The following TNS3 variants were observed in gnomAD, a reference collection of about 807,000 sequenced individuals.
TNS3 encodes the protein tensin-3.
In TNS3, 45 loss-of-function variants were observed where a neutral mutation model predicts 140.9. The ratio of observed to expected loss-of-function variants is 0.32; its 90% CI spans 0.25 to 0.41. TNS3 has a LOEUF of 0.41. TNS3 is among the 10% of genes least tolerant of loss of function. The probability of loss-of-function intolerance (pLI) is 1.00; values close to 1 mark genes in which losing one functional copy is unlikely to be tolerated. For synonymous variants in TNS3, 815 were observed against 788.4 expected, an observed-to-expected ratio of 1.03 and a Z score of -0.56; for missense variants, 1,716 against 1,906.7, an observed-to-expected ratio of 0.90 and a Z score of 1.86.
At chr7:47,581,703 C>G (rs923556764) in intron 1 of TNS3, 1 of 152,468 alleles carries the variant, frequency 6.6e-6, no homozygotes, top group Non-Finnish European at 1.5e-5. Flanking sequence ...GAAGCTGGCC[C>G]GCGCCCCAGC....
chr7:47,570,230 C>T (rs1160442506), intron 1 of TNS3, among the ~76,000 whole-genome samples: 1 of 152,220 alleles, frequency 6.6e-6, no homozygotes, highest in Non-Finnish European at 1.5e-5. Flanking sequence ...GACTGGAATC[C>T]ATTTTCCGAG....
intron 7 of TNS3, among the ~76,000 whole-genome samples, chr7:47,436,005 T>G (rs1795162819): frequency 6.6e-6 from 1 of 152,192 alleles, no homozygotes; most frequent in Non-Finnish European, 1.5e-5. Flanking sequence ...TGGCCCACAG[T>G]GGCCACACGG....
At chr7:47,371,785 G>C (rs1791085352) in intron 16 of TNS3, among the ~76,000 whole-genome samples, 1 of 152,070 alleles carries the variant, frequency 6.6e-6, no homozygotes, top group African/African-American at 2.4e-5. Flanking sequence ...CTGTGAAGTA[G>C]AGTGGTCCCT....
chr7:47,308,989 G>A (rs930880048), intron 20 of TNS3, among the ~76,000 whole-genome samples: 25 of 152,186 alleles, frequency 1.6e-4, no homozygotes, highest in Non-Finnish European at 3.4e-4. Flanking sequence ...GTCCCCTGGA[G>A]TTTCAACTCC....
At chr7:47,492,880 C>T (rs940633351) in intron 3 of TNS3, among the ~76,000 whole-genome samples, 2 of 152,190 alleles carry the variant, frequency 1.3e-5, no homozygotes, top group African/African-American at 4.8e-5. Context: ...GGAGGAGCTC[C>T]CACTGCCTGT....
At chr7:47,295,648 C>CTCTCTACTTCACTTCAGG (rs1460806016) in intron 24 of TNS3, among the ~76,000 whole-genome samples, 1 of 152,180 alleles carries the variant, frequency 6.6e-6, no homozygotes, top group East Asian at 1.9e-4. Flanking sequence ...AATCAGTAGC[C>CTCTCTACTTCACTTCAGG]ACAGGCTTCG....
At chr7:47,441,546 C>T (rs1457893891) in intron 5 of TNS3, among the ~76,000 whole-genome samples, 1 of 152,210 alleles carries the variant, frequency 6.6e-6, no homozygotes, top group African/African-American at 2.4e-5. Flanking sequence ...TTTGTTTTCT[C>T]TACCTTATTT....
intron 4 of TNS3, among the ~76,000 whole-genome samples, chr7:47,477,208 G>A (rs899944898): frequency 1.5e-4 from 23 of 152,174 alleles, no homozygotes; most frequent in African/African-American, 5.1e-4. Context: ...CAGGGAATTA[G>A]GCCCAGGGGT....
At position 47,369,337 on chromosome 7, in the gene TNS3, G is replaced by C; in HGVS notation, c.1309C>G (p.Pro437Ala). 6.2e-7 allele frequency: 1 copy of C among 1,614,172 alleles called. No individual in the cohort carries two copies. Among genetic ancestry groups the C allele is most frequent in the Non-Finnish European group, 8.5e-7 (1 of 1,180,044 alleles). Residue 437 changes from proline (P) to alanine (A), a missense_variant, in exon 17 of 31, where the codon CCT becomes GCT. Transcript: ENST00000311160. The stretch of plus-strand genomic sequence containing the variant: ...GTCATTTCCTTGAGGGAGCTTCCAG[G>C]ATCTTCCAGGCCAAAGCCACTGAGC... The part of the protein sequence containing the change: ...QLLSGFGLED[P>A]GSSLKEMTDA...
chr7:47,295,681 C>T (rs185941230), intron 24 of TNS3, among the ~76,000 whole-genome samples: 133 of 152,242 alleles, frequency 8.7e-4, no homozygotes, highest in African/African-American at 3.0e-3. Flanking sequence ...GACTGAGCCC[C>T]GGGTCTTTCC....
intron 2 of TNS3, among the ~76,000 whole-genome samples, chr7:47,521,632 C>T (rs926995926): frequency 1.3e-5 from 2 of 152,036 alleles, no homozygotes; most frequent in African/African-American, 4.8e-5. Context: ...CAGGGAGGCA[C>T]CTTCCTGAGG....
Position 47,368,348 on chromosome 7 carries a change from A to T in TNS3, c.2281+17T>A. ...GAGCACCTCCCGTGGAGCACCTCCC[A>T]TGGAGACCCAGCTCACCTTGCCGCC... On this transcript the variant is annotated intron_variant, in intron 17 of 30. Coordinates refer to ENST00000311160, the MANE Select transcript of TNS3 (RefSeq NM_022748.12). The T allele has an allele frequency of 6.8e-7, 1 of 1,469,970 alleles. No individual in the cohort carries two copies. The highest frequency in any genetic ancestry group is 9.0e-7 in the Non-Finnish European group (1 of 1,111,560). 91.1% of individuals were successfully genotyped at this position (1,469,970 alleles called of 1,614,324 possible). A position where few individuals can be genotyped will look rare whatever the true frequency, so the allele number is the denominator to read the frequency against.
intron 3 of TNS3, among the ~76,000 whole-genome samples, chr7:47,490,358 A>G (rs1797765351): frequency 6.6e-6 from 1 of 152,218 alleles, no homozygotes. Context: ...TTACCTCTAC[A>G]ATAACATCCC....
chr7:47,280,019 CTT>C (rs1157409045), intron 30 of TNS3, 143 bp downstream of exon 30: 3 of 967,450 alleles, frequency 3.1e-6, no homozygotes, highest in Non-Finnish European at 4.7e-6. Flanking sequence ...AATGAGAACA[CTT>C]TTACTTTTTT....
chr7:47,526,151 T>C (rs1047453144), intron 2 of TNS3, among the ~76,000 whole-genome samples: 4 of 152,252 alleles, frequency 2.6e-5, no homozygotes, highest in Non-Finnish European at 5.9e-5. Context: ...ACTACTTAAA[T>C]GGCAGGAACA....
rs990033042 is a variant in TNS3, at chr7:47,322,900, G to C, written c.2651-17897C>G. Among the ~76,000 whole-genome samples, 7 of 152,164 alleles carry C rather than the reference G, an allele frequency of 4.6e-5. No individual in the cohort carries two copies. The East Asian group carries it at 1.4e-3, about 29-fold the overall frequency. On this transcript the variant is annotated intron_variant, in intron 20 of 30. Transcript: ENST00000311160. ...TGCTCTATCTGGCACATGGCCAGTAGCACACTGCTGGAACCGTGTCAGAGG... is the reference window on the plus strand; with the variant it reads ...TGCTCTATCTGGCACATGGCCAGTACCACACTGCTGGAACCGTGTCAGAGG...
intron 20 of TNS3, among the ~76,000 whole-genome samples, chr7:47,312,064 T>A (rs1787135790): frequency 6.6e-6 from 1 of 152,178 alleles, no homozygotes; most frequent in Admixed American, 6.5e-5. Context: ...GGGAATGGTG[T>A]GTCTGCTGCA....
intron 12 of TNS3, among the ~76,000 whole-genome samples, 189 bp from the exon 13 acceptor site, chr7:47,411,991 G>A (rs867973227): frequency 5.9e-5 from 9 of 152,122 alleles, no homozygotes; most frequent in African/African-American, 2.2e-4. Context: ...GCCATGGAGG[G>A]TCCTCATAGC....
intron 20 of TNS3, among the ~76,000 whole-genome samples, chr7:47,321,013 C>A (rs1446258659): frequency 6.6e-6 from 1 of 152,194 alleles, no homozygotes; most frequent in African/African-American, 2.4e-5. Context: ...TTTGAGGAGA[C>A]CACACAGACT....
Sources: allele counts gnomAD v4.1 joint callset (sites outside exome capture counted in the v4.1 genomes callset), GRCh38; gene constraint gnomAD v4.1.1; transcripts MANE v1.5; gene names NCBI Gene and HGNC (gene_info 2026-07-23, HGNC 2026-07-21).